Variants in PLEKHA7 observed in about 807,000 individuals in gnomAD.
PLEKHA7 encodes pleckstrin homology domain-containing family A member 7.
In PLEKHA7, 104 loss-of-function variants were observed where a neutral mutation model predicts 170.0. The observed-to-expected ratio is 0.61, with a 90% CI of 0.52 to 0.72. PLEKHA7 has a LOEUF of 0.72. Ranked by LOEUF, PLEKHA7 falls within the 30% of genes least tolerant of loss-of-function variation. The probability of loss-of-function intolerance (pLI) is 0.00; values close to 1 mark genes in which losing one functional copy is unlikely to be tolerated. For missense variants in PLEKHA7, 1,615 were observed against 1,671.7 expected (o/e 0.97, Z 0.59); for synonymous variants, 648 against 660.8 (o/e 0.98, Z 0.30).
At chr11:17,013,893 C>G in intron 3 of PLEKHA7, 96 bp downstream of exon 3, 3 of 1,327,138 alleles carry the variant, frequency 2.3e-6, no homozygotes, top group Middle Eastern at 2.7e-4. Flanking sequence ...GAGCCCGGGC[C>G]GGCGGGAGCA....
intron 9 of PLEKHA7, among the ~76,000 whole-genome samples, chr11:16,840,678 C>T (rs1243302417): frequency 6.6e-6 from 1 of 152,260 alleles, no homozygotes; most frequent in East Asian, 1.9e-4. Context: ...GACTGAAGTG[C>T]TATGGGAGCT....
chr11:16,822,966 G>A (rs1022526408), intron 10 of PLEKHA7, among the ~76,000 whole-genome samples: 1 of 150,738 alleles, frequency 6.6e-6, no homozygotes, highest in African/African-American at 2.4e-5. Flanking sequence ...AATCACCTAG[G>A]GAGTTGTATG....
intron 9 of PLEKHA7, among the ~76,000 whole-genome samples, chr11:16,838,587 T>C (rs1029924229): frequency 2.7e-5 from 4 of 150,138 alleles, no homozygotes; most frequent in Non-Finnish European, 4.4e-5. Context: ...TAAATTAAGA[T>C]AATCAGATAC....
At position 16,848,983 on chromosome 11, in the gene PLEKHA7, G is replaced by T. The variant is rs112338715; in HGVS notation, c.696+2208C>A. On this transcript the variant is annotated intron_variant, in intron 8 of 26. Transcript: ENST00000531066. ...CCTACCCTCTGGCCCCTAAAAGAAG[G>T]ATGCTGCAACTCAAATGAAAAGATA... Among the ~76,000 whole-genome samples, 284 of 152,216 alleles carry T rather than the reference G, an allele frequency of 1.9e-3. 3 individuals carry two copies. Among genetic ancestry groups the T allele is most frequent in the African/African-American group, 6.5e-3 (270 of 41,518 alleles).
chr11:16,881,539 C>A (rs12786886), intron 3 of PLEKHA7: 1 of 152,240 alleles, frequency 6.6e-6, no homozygotes. Flanking sequence ...TGAGTCACTG[C>A]CCCACTGTGG....
intron 17 of PLEKHA7, among the ~76,000 whole-genome samples, chr11:16,796,362 C>CA (rs1288892019): frequency 1.3e-5 from 2 of 152,190 alleles, no homozygotes; most frequent in Non-Finnish European, 2.9e-5. Flanking sequence ...ATGCATGCTA[C>CA]AACAAGGATG....
At chr11:16,790,526 G>T (rs1847768097) in intron 21 of PLEKHA7, 2 of 399,422 alleles carry the variant, frequency 5.0e-6, no homozygotes, top group African/African-American at 4.1e-5. Flanking sequence ...TGAATATCAT[G>T]TCTATATAAA....
At chr11:16,954,297 C>T (rs908001012) in intron 3 of PLEKHA7, among the ~76,000 whole-genome samples, 3 of 152,152 alleles carry the variant, frequency 2.0e-5, no homozygotes, top group Non-Finnish European at 4.4e-5. Flanking sequence ...AGGAGGACTA[C>T]TTGAGGCCAA....
At chr11:16,794,747 T>C in intron 18 of PLEKHA7, 33 bp from the exon 19 acceptor site, 3 of 1,601,720 alleles carry the variant, frequency 1.9e-6, no homozygotes, top group Non-Finnish European at 2.6e-6. Context: ...AAGCACGGGA[T>C]GGAACAAAGA....
chr11:16,831,429 G>A (rs563048547), intron 9 of PLEKHA7, among the ~76,000 whole-genome samples: 5 of 152,290 alleles, frequency 3.3e-5, no homozygotes, highest in East Asian at 3.9e-4. Flanking sequence ...CCCCTCGGCC[G>A]TCAATGACTG....
chr11:16,810,727 T>C (rs1250143388), intron 13 of PLEKHA7, among the ~76,000 whole-genome samples: 1 of 152,188 alleles, frequency 6.6e-6, no homozygotes, highest in Non-Finnish European at 1.5e-5. Flanking sequence ...CAAATATATT[T>C]CTTGGCATAA....
At chr11:16,792,965 T>C (rs1025199225) in intron 19 of PLEKHA7, among the ~76,000 whole-genome samples, 10 of 152,030 alleles carry the variant, frequency 6.6e-5, no homozygotes, top group African/African-American at 1.9e-4. Context: ...AAGTAAGTAA[T>C]AAAACAAATG....
intron 4 of PLEKHA7, among the ~76,000 whole-genome samples, chr11:16,863,033 G>C (rs1854095035): frequency 6.6e-6 from 1 of 152,076 alleles, no homozygotes; most frequent in South Asian, 2.1e-4. Context: ...GGGAGTTTAG[G>C]AGCAACTCCC....
intron 3 of PLEKHA7, among the ~76,000 whole-genome samples, chr11:16,886,407 G>C (rs945736975): frequency 5.3e-5 from 8 of 152,204 alleles, no homozygotes; most frequent in Admixed American, 5.2e-4. Flanking sequence ...GTATTCAAAA[G>C]AAATCTTAAA....
chr11:16,959,537 GA>G (rs1357853031), intron 3 of PLEKHA7, among the ~76,000 whole-genome samples: 1 of 152,176 alleles, frequency 6.6e-6, no homozygotes, highest in African/African-American at 2.4e-5. Context: ...TGATGTGTGA[GA>G]GGCCAGGCCC....
Position 16,782,905 on chromosome 11 carries a change from G to T in PLEKHA7, c.3651-9C>A. 6.5e-7 allele frequency: 1 copy of T among 1,535,844 alleles called. No homozygotes were observed. Among genetic ancestry groups the T allele is most frequent in the Admixed American group, 2.0e-5 (1 of 50,998 alleles). Reference sequence around the variant, plus strand: ...GCTGTAGGTTGCACATGCTGTAGGAGGGTCGGAAGCAGACCATGGGCCCTC... The same window carrying T: ...GCTGTAGGTTGCACATGCTGTAGGATGGTCGGAAGCAGACCATGGGCCCTC... On this transcript the variant is annotated splice_polypyrimidine_tract_variant and intron_variant, in intron 25 of 26. Transcript: ENST00000531066.
At chr11:16,934,106 G>A (rs1366558404) in intron 3 of PLEKHA7, among the ~76,000 whole-genome samples, 1 of 152,136 alleles carries the variant, frequency 6.6e-6, no homozygotes, top group Non-Finnish European at 1.5e-5. Flanking sequence ...ATAAGTTATC[G>A]TGCCTCCTGC....
intron 3 of PLEKHA7, among the ~76,000 whole-genome samples, chr11:17,002,887 C>T (rs996132196): frequency 3.3e-5 from 5 of 151,718 alleles, no homozygotes; most frequent in African/African-American, 9.7e-5. Context: ...TCCTTCCCCC[C>T]AACACAATTT....
At chr11:16,855,664 T>C (rs960103199) in intron 5 of PLEKHA7, 139 bp downstream of exon 5, 9 of 687,628 alleles carry the variant, frequency 1.3e-5, no homozygotes, top group Non-Finnish European at 2.3e-5. Flanking sequence ...CTCAGTTTCC[T>C]GATCTGTCAT....
Sources: gnomAD v4.1 joint callset for allele counts (sites outside exome capture counted in the v4.1 genomes callset) on GRCh38, gnomAD v4.1.1 for gene constraint, MANE v1.5 for transcripts, NCBI Gene and HGNC (gene_info 2026-07-23, HGNC 2026-07-21) for gene names.